Variants in MAF1 observed in about 807,000 individuals in gnomAD.
The protein encoded by MAF1 is repressor of RNA polymerase III transcription MAF1 homolog.
A neutral mutation model predicts 31.9 loss-of-function variants in MAF1; 7 were observed. The observed-to-expected ratio is 0.22, with a 90% CI of 0.12 to 0.41. MAF1 has a LOEUF of 0.41. MAF1 is among the 10% of genes least tolerant of loss of function. MAF1 has a pLI of 1.00. For synonymous variants in MAF1, 157 were observed against 120.0 expected, an observed-to-expected ratio of 1.31 and a Z score of -2.02; for missense variants, 221 against 323.1, an observed-to-expected ratio of 0.68 and a Z score of 2.42.
In MAF1 at chr8:144,105,989, C is replaced by T. The variant is rs773106949; in HGVS notation, c.204C>T (p.Ser68=). The T allele has an allele frequency of 2.7e-5, 44 of 1,613,250 alleles. No individual in the cohort carries two copies. Among genetic ancestry groups the T allele is most frequent in the Non-Finnish European group, 3.5e-5 (41 of 1,180,018 alleles). Residue 68 remains serine, a synonymous_variant, in exon 3 of 8, where the codon AGC becomes AGT. Coordinates refer to ENST00000322428, the MANE Select transcript of MAF1 (RefSeq NM_032272.5). ...CTCCACCCCAGACTTCAGGACTGAGCCCCAGCAGGTGAGCCATGGTGGGGC... is the reference window on the plus strand; with the variant it reads ...CTCCACCCCAGACTTCAGGACTGAGTCCCAGCAGGTGAGCCATGGTGGGGC... ...ALSPPQTSGL[S]PSRLSKSQGG... is the part of the protein sequence containing the mutation.
chr8:144,105,827 C>T (rs1395045835), intron 2 of MAF1, 42 bp from the exon 3 acceptor site: 1 of 1,612,814 alleles, frequency 6.2e-7, no homozygotes, highest in South Asian at 1.1e-5. Flanking sequence ...TTCAGTGGAA[C>T]CTGGGGGAAG....
chr8:144,106,034 G>A (rs1299764180), intron 3 of MAF1, 37 bp downstream of exon 3: 3 of 1,613,420 alleles, frequency 1.9e-6, no homozygotes, highest in Non-Finnish European at 2.5e-6. Flanking sequence ...GCTGGGGGTT[G>A]AGGGGAGGTG....
rs1034023891 is a variant in MAF1, at chr8:144,107,127, C to G, written c.*18C>G. The G allele has an allele frequency of 6.4e-7, 1 of 1,559,394 alleles. No individual in the cohort carries two copies. The highest frequency in any genetic ancestry group is 8.7e-7 in the Non-Finnish European group (1 of 1,151,824). Reference sequence around the variant, plus strand: ...GTATTTGATGAGGAGGAGCCGAGGCCCCAGCTTCATCCAGCTTCAACCAAT... The same window carrying G: ...GTATTTGATGAGGAGGAGCCGAGGCGCCAGCTTCATCCAGCTTCAACCAAT... On this transcript the variant is annotated 3_prime_UTR_variant, in exon 8 of 8. Transcript: ENST00000322428.
rs1324238850 is a variant in MAF1 at position 144,106,624 on chromosome 8, C to T, written c.570C>T (p.Phe190=). Residue 190 remains phenylalanine (F), a synonymous_variant, in exon 6 of 8, where the codon TTC becomes TTT. Transcript: ENST00000322428. ...GCCTCTGGTCCTTCAACTACTTCTT[C>T]TACAACAAGCGGCTCAAGCGAATCG... ...DGSLWSFNYF[F]YNKRLKRIVF... 4 of 1,613,890 alleles carry T rather than the reference C, an allele frequency of 2.5e-6. No individual in the cohort carries two copies. Among genetic ancestry groups the T allele is most frequent in the African/African-American group, 2.7e-5 (2 of 75,042 alleles).
In MAF1 at chr8:144,105,773, C is replaced by A. The variant is rs1389715340; in HGVS notation, c.83+7C>A. The stretch of plus-strand genomic sequence containing the variant: ...ATGCCCACATCATTGGCAGGTGAGG[C>A]AGGCTGGGGGGGCTGGCATCTCGGA... On this transcript the variant is annotated splice_region_variant and intron_variant, in intron 2 of 7. Coordinates refer to ENST00000322428, the MANE Select transcript of MAF1 (RefSeq NM_032272.5). 1 of 1,612,650 alleles carries A rather than the reference C, an allele frequency of 6.2e-7. No homozygotes were observed. The highest frequency in any genetic ancestry group is 8.5e-7 in the Non-Finnish European group (1 of 1,179,896).
rs755776322 is a variant in MAF1, at chr8:144,106,919, C to T, written c.705C>T (p.Ser235=). Reference sequence around the variant, plus strand: ...AGGAGGTGGAGGAAGAAAGCAGAAGCGGGGGCAGTGGGGCCGAGGAGACCA... The same window carrying T: ...AGGAGGTGGAGGAAGAAAGCAGAAGTGGGGGCAGTGGGGCCGAGGAGACCA... ...GEEEVEEESR[S]GGSGAEETST... is the part of the protein sequence containing the mutation. Residue 235 remains serine, a synonymous_variant, in exon 7 of 8, where the codon AGC becomes AGT. Transcript: ENST00000322428. The T allele has an allele frequency of 3.9e-5, 60 of 1,522,714 alleles. No homozygotes were observed. Among genetic ancestry groups the T allele is most frequent in the Non-Finnish European group, 5.2e-5 (59 of 1,138,118 alleles). 94.3% of individuals were successfully genotyped at this position (1,522,714 alleles called of 1,614,324 possible).
intron 1 of MAF1, chr8:144,105,207 T>TA (rs1016942782): frequency 6.1e-6 from 1 of 162,878 alleles, no homozygotes; most frequent in African/African-American, 2.4e-5. Flanking sequence ...TGCAGCCTCT[T>TA]ACCTTGGCTG....
At chr8:144,105,311 G>C (rs1836390718) in intron 1 of MAF1, 1 of 247,408 alleles carries the variant, frequency 4.0e-6, no homozygotes, top group Admixed American at 4.9e-5. Flanking sequence ...TTTTGGAGTG[G>C]GCGTGGAGAT....
In MAF1 at chr8:144,104,713, C is replaced by T. The variant is rs11546145; in HGVS notation, c.-190C>T. On this transcript the variant is annotated 5_prime_UTR_variant, in exon 1 of 8. Transcript: ENST00000322428. ...TTCTTCCCCCGGATACAGTGCGGCC[C>T]GAGCGGAGGCCGCGGCGCCGCCCTC... 1.3e-5 allele frequency: 2 copies of T among 152,212 alleles called. No individual in the cohort carries two copies. The highest frequency in any genetic ancestry group is 2.4e-5 in the African/African-American group (1 of 41,450). 9.4% of individuals were successfully genotyped at this position (152,212 alleles called of 1,614,324 possible).
At position 144,107,225 on chromosome 8, in the gene MAF1, C is replaced by T. The variant is rs1049756021; in HGVS notation, c.*116C>T. 6 of 1,320,094 alleles carry T rather than the reference C, an allele frequency of 4.5e-6. No homozygotes were observed. The highest frequency in any genetic ancestry group is 2.5e-5 in the East Asian group (1 of 39,836). The allele number at this position is 1,320,094 out of a possible 1,614,324, so 81.8% of individuals were successfully genotyped here. ...GGCCAGACCCTGGCGCTGCCACAGT[C>T]CTGGCACTGCCCAAGGCCATACCTG... On this transcript the variant is annotated 3_prime_UTR_variant, in exon 8 of 8. Transcript: ENST00000322428.
chr8:144,106,088 C>G lies in MAF1; in HGVS notation c.225C>G (p.Ser75Arg), dbSNP rs760606899. The G allele has an allele frequency of 2.5e-5, 41 of 1,613,530 alleles. No individual in the cohort carries two copies. In the East Asian group the frequency reaches 8.0e-4, roughly 32 times the overall value. The change falls in exon 4 of 8, where the codon AGC becomes AGG. Residue 75 changes from serine (S) to arginine (R), a missense_variant. Physicochemically the swap from Ser to Arg is moderately radical, Grantham distance 110 (BLOSUM62 -1). Around this residue, in one of 2 missense-constraint regions of MAF1, gnomAD observed 146 missense variants for 263.1 expected, o/e 0.56. Coordinates refer to ENST00000322428, the MANE Select transcript of MAF1 (RefSeq NM_032272.5). The stretch of plus-strand genomic sequence containing the variant: ...TCTGTCTGTGCAGACTCAGCAAAAG[C>G]CAAGGCGGTGAGGAGGAGGGCCCCC... ...SGLSPSRLSK[S>R]QGGEEEGPLS...
intron 1 of MAF1, 49 bp from the exon 2 acceptor site, chr8:144,105,591 G>A (rs910318836): frequency 4.3e-6 from 5 of 1,170,698 alleles, no homozygotes; most frequent in African/African-American, 3.0e-5. Flanking sequence ...TGAAGGCAGG[G>A]CCCCAAGGGG....
rs1203489862 is a variant in MAF1, at chr8:144,105,652, C to T, written c.-32C>T. 3.8e-6 allele frequency: 6 copies of T among 1,598,332 alleles called. No homozygotes were observed. Among genetic ancestry groups the T allele is most frequent in the African/African-American group, 2.7e-5 (2 of 74,734 alleles). Reference sequence around the variant, plus strand: ...TCTCACTCCCCAGGCAATACTAGCCCCTCTGGAGCACGGAGCTCCTTCCCC... The same window carrying T: ...TCTCACTCCCCAGGCAATACTAGCCTCTCTGGAGCACGGAGCTCCTTCCCC... On this transcript the variant is annotated 5_prime_UTR_variant, in exon 2 of 8. Coordinates refer to ENST00000322428, the MANE Select transcript of MAF1 (RefSeq NM_032272.5).
chr8:144,106,649 G>A lies in MAF1; in HGVS notation c.595G>A (p.Val199Ile), dbSNP rs768929438. Residue 199 changes from valine to isoleucine, a missense_variant, in exon 6 of 8, where the codon GTC becomes ATC. Val to Ile is a conservative substitution (Grantham distance 29). Transcript: ENST00000322428. ...CTACAACAAGCGGCTCAAGCGAATC[G>A]TCTTCTTTAGCTGCCGTTCCATCAG... ...FFYNKRLKRI[V>I]FFSCRSISGS... The A allele has an allele frequency of 8.1e-6, 13 of 1,613,392 alleles. No individual in the cohort carries two copies. The highest frequency in any genetic ancestry group is 1.1e-5 in the South Asian group (1 of 91,084).
intron 6 of MAF1, 74 bp downstream of exon 6, chr8:144,106,748 C>G: frequency 1.9e-6 from 3 of 1,576,616 alleles, no homozygotes; most frequent in Non-Finnish European, 2.6e-6. Context: ...CATCTCCACC[C>G]AGCTTTGCCC....
At position 144,106,931 on chromosome 8, in the gene MAF1, G is replaced by A. The variant is rs1455961627; in HGVS notation, c.717G>A (p.Gly239=). ...VEEESRSGGS[G]AEETSTMEED... ...AAGAAAGCAGAAGCGGGGGCAGTGG[G>A]GCCGAGGAGACCAGCACCATGGAGG... is the stretch of plus-strand genomic sequence containing the variant. Residue 239 remains glycine (G), a synonymous_variant, in exon 7 of 8, where the codon GGG becomes GGA. Transcript: ENST00000322428. 1 of 1,516,186 alleles carries A rather than the reference G, an allele frequency of 6.6e-7. No homozygotes were observed. Among genetic ancestry groups the A allele is most frequent in the Middle Eastern group, 1.8e-4 (1 of 5,676 alleles). The allele number at this position is 1,516,186 out of a possible 1,614,324, so 93.9% of individuals were successfully genotyped here.
rs1836430407 is a variant in MAF1 at position 144,107,092 on chromosome 8, C to T, written c.754C>T (p.Pro252Ser). The T allele has an allele frequency of 2.5e-6, 4 of 1,573,606 alleles. No individual in the cohort carries two copies. Among genetic ancestry groups the T allele is most frequent in the African/African-American group, 1.4e-5 (1 of 73,812 alleles). The change falls in exon 8 of 8, where the codon CCA becomes TCA. Residue 252 changes from proline to serine, a missense_variant. Around this residue, in one of 2 missense-constraint regions of MAF1, gnomAD observed 75 missense variants for 60.1 expected, o/e 1.25. Coordinates refer to ENST00000322428, the MANE Select transcript of MAF1 (RefSeq NM_032272.5). ...TGTGTGCCAACCTCCGCCCAGGGTC[C>T]CAGTGATCTGTATTTGATGAGGAGG... ...ETSTMEEDRVPVICI is the reference protein window; with the variant it reads ...ETSTMEEDRVSVICI
At position 144,105,922 on chromosome 8, in the gene MAF1, A is replaced by G; in HGVS notation, c.137A>G (p.Gln46Arg). The change falls in exon 3 of 8, where the codon CAG becomes CGG. Residue 46 changes from glutamine to arginine, a missense_variant. Gln to Arg is a conservative substitution (Grantham distance 43). Coordinates refer to ENST00000322428, the MANE Select transcript of MAF1 (RefSeq NM_032272.5). ...GGAGACGACAAACACATGTTCAAGC[A>G]GTTCTGCCAGGAGGGCCAGCCCCAC... ...MAGDDKHMFK[Q>R]FCQEGQPHVL... 6.2e-7 allele frequency: 1 copy of G among 1,613,132 alleles called. No individual in the cohort carries two copies. Among genetic ancestry groups the G allele is most frequent in the Non-Finnish European group, 8.5e-7 (1 of 1,180,014 alleles).
intron 7 of MAF1, 58 bp downstream of exon 7, chr8:144,107,021 G>T: frequency 6.4e-7 from 1 of 1,557,664 alleles, no homozygotes; most frequent in South Asian, 1.2e-5. Flanking sequence ...ACAACAGGGT[G>T]GGGGCCTCCT....
Sources: gnomAD v4.1 joint callset for allele counts on GRCh38, gnomAD v4.1.1 for gene constraint, gnomAD v4.1.1 regional missense constraint, MANE v1.5 for transcripts, NCBI Gene and HGNC (gene_info 2026-07-23, HGNC 2026-07-21) for gene names.